The following RAPH1 variants were observed in gnomAD, a reference collection of about 807,000 sequenced individuals.
RAPH1 encodes ras-associated and pleckstrin homology domains-containing protein 1.
RAPH1 carries 18 observed loss-of-function variants against 88.1 expected under a neutral mutation model. That is an observed-to-expected ratio of 0.20 (90% CI 0.14 to 0.30). The LOEUF (loss-of-function observed/expected upper bound fraction) is 0.30. RAPH1 is among the 10% of genes least tolerant of loss of function. The pLI is 1.00. For missense variants in RAPH1, 1,448 were observed against 1,543.2 expected, an observed-to-expected ratio of 0.94 and a Z score of 1.03; for synonymous variants, 587 against 559.0, an observed-to-expected ratio of 1.05 and a Z score of -0.71.
chr2:203,475,150 G>A (rs1227355540), intron 4 of RAPH1, among the ~76,000 whole-genome samples: 3 of 152,194 alleles, frequency 2.0e-5, no homozygotes, highest in African/African-American at 4.8e-5. Flanking sequence ...ACTCATGCCT[G>A]TAATCCCAGC....
chr2:203,458,118 TC>T (rs779452653), intron 7 of RAPH1, among the ~76,000 whole-genome samples: 75 of 152,230 alleles, frequency 4.9e-4, no homozygotes, highest in East Asian at 1.7e-3. Flanking sequence ...ACACCTGTAA[TC>T]CCAGCACTCT....
At chr2:203,455,263 T>A (rs933318386) in intron 9 of RAPH1, among the ~76,000 whole-genome samples, 174 bp downstream of exon 9, 24 of 152,244 alleles carry the variant, frequency 1.6e-4, no homozygotes, top group Non-Finnish European at 5.9e-5. Flanking sequence ...ACCAGAGAAG[T>A]AAGAACTTTC....
At chr2:203,453,721 G>A (rs777989152) in intron 10 of RAPH1, among the ~76,000 whole-genome samples, 3 of 151,790 alleles carry the variant, frequency 2.0e-5, no homozygotes, top group East Asian at 3.9e-4. Flanking sequence ...TGAACATGTA[G>A]ACCTAAGTAG....
At chr2:203,457,683 G>T in intron 7 of RAPH1, 88 bp from the exon 8 acceptor site, 1 of 960,032 alleles carries the variant, frequency 1.0e-6, no homozygotes. Flanking sequence ...CCTTGGCACA[G>T]GTGTGTGTAT....
intron 8 of RAPH1, among the ~76,000 whole-genome samples, chr2:203,457,007 A>C (rs1342379876): frequency 6.6e-6 from 1 of 152,024 alleles, no homozygotes; most frequent in Non-Finnish European, 1.5e-5. Flanking sequence ...AGATCACTAG[A>C]ATATGGCTTG....
intron 6 of RAPH1, among the ~76,000 whole-genome samples, 178 bp downstream of exon 6, chr2:203,461,071 G>A (rs1239621071): frequency 6.6e-6 from 1 of 151,940 alleles, no homozygotes; most frequent in African/African-American, 2.4e-5. Flanking sequence ...ACCCGAGATC[G>A]TGCCATTGCA....
At chr2:203,506,398 C>CA (rs1347295628) in intron 1 of RAPH1, among the ~76,000 whole-genome samples, 3 of 151,840 alleles carry the variant, frequency 2.0e-5, no homozygotes, top group Admixed American at 2.0e-4. Context: ...CAAAAAGTAA[C>CA]AGACACCTGG....
At position 203,506,780 on chromosome 2, in the gene RAPH1, C is replaced by A. The variant is rs1431933873; in HGVS notation, c.1-11427G>T. The stretch of plus-strand genomic sequence containing the variant: ...TATCTATATATATATCTATATATAT[C>A]TAGATATATATATCTATATATATAT... On this transcript the variant is annotated intron_variant, in intron 1 of 13. Transcript: ENST00000319170. Among the ~76,000 whole-genome samples the A allele has an allele frequency of 6.8e-3, 531 of 77,648 alleles. 22 individuals are homozygous for A. Among genetic ancestry groups the A allele is most frequent in the Middle Eastern group, 0.016 (2 of 124 alleles). The allele number at this position is 77,648 out of a possible 152,430, so 50.9% of individuals were successfully genotyped here. A position where few individuals can be genotyped will look rare whatever the true frequency, so the allele number is the denominator to read the frequency against.
At chr2:203,443,585 A>C (rs2153634508) in intron 13 of RAPH1, 1 of 152,326 alleles carries the variant, frequency 6.6e-6, no homozygotes, top group Middle Eastern at 3.4e-3. Flanking sequence ...TTAGTCTTCC[A>C]CATAAAGTAT....
At chr2:203,493,654 T>G (rs1372281110) in intron 2 of RAPH1, among the ~76,000 whole-genome samples, 1 of 152,098 alleles carries the variant, frequency 6.6e-6, no homozygotes, top group Non-Finnish European at 1.5e-5. Flanking sequence ...GAATGATACC[T>G]ATGAAATCCT....
chr2:203,500,684 T>G (rs1235927314), intron 1 of RAPH1, among the ~76,000 whole-genome samples: 1 of 152,224 alleles, frequency 6.6e-6, no homozygotes, highest in Admixed American at 6.5e-5. Context: ...ACAACTATGT[T>G]GTTTAATAAT....
rs1335055692 is a variant in RAPH1, at chr2:203,437,301, A to G, written c.*2136T>C. The G allele has an allele frequency of 6.6e-6, 1 of 152,212 alleles. No homozygotes were observed. The highest frequency in any genetic ancestry group is 1.9e-4 in the East Asian group (1 of 5,202). The allele number at this position is 152,212 out of a possible 1,614,324, so 9.4% of individuals were successfully genotyped here. ...TTCTCATGAGAAAATCACCACCACA[A>G]TAAAACTCAAAACCTCAGGGATGAA... On this transcript the variant is annotated 3_prime_UTR_variant, in exon 14 of 14. Transcript: ENST00000319170.
intron 1 of RAPH1, among the ~76,000 whole-genome samples, chr2:203,506,846 C>CTATATATCTATCTA (rs1277788456): frequency 1.5e-5 from 1 of 66,482 alleles, no homozygotes; most frequent in Non-Finnish European, 2.4e-5. Flanking sequence ...ATCTATATAT[C>CTATATATCTATCTA]TATCTATATC....
At chr2:203,468,605 T>TTA (rs148051107) in intron 4 of RAPH1, among the ~76,000 whole-genome samples, 3,907 of 152,298 alleles carry the variant, frequency 0.026, 186 homozygotes, top group African/African-American at 0.089. Context: ...TTGTCACTGT[T>TTA]TATTATCTAT....
Position 203,439,775 on chromosome 2 carries a change from A to G in RAPH1, c.3415T>C (p.Ser1139Pro). The G allele has an allele frequency of 6.2e-7, 1 of 1,614,116 alleles. No individual in the cohort carries two copies. The highest frequency in any genetic ancestry group is 8.5e-7 in the Non-Finnish European group (1 of 1,180,026). Residue 1139 changes from serine to proline, a missense_variant, in exon 14 of 14, where the codon TCT (serine) becomes CCT (proline). By Grantham distance (74) the Ser-to-Pro change is moderately conservative. Transcript: ENST00000319170. ...ACTGTGGCCATTGTTGGCTGCTCAG[A>G]AATCTCAGCTTGAGTGAGGCGGGTG... ...DSTRLTQAEI[S>P]EQPTMATVVP...
intron 1 of RAPH1, among the ~76,000 whole-genome samples, chr2:203,505,180 G>T (rs1414201775): frequency 1.3e-5 from 2 of 152,074 alleles, no homozygotes; most frequent in African/African-American, 4.8e-5. Context: ...CCAATTTACT[G>T]CATTAGTCCA....
chr2:203,528,989 A>AT (rs1553633879), intron 1 of RAPH1, among the ~76,000 whole-genome samples: 1 of 74,256 alleles, frequency 1.3e-5, no homozygotes, highest in Non-Finnish European at 2.6e-5. Flanking sequence ...CTATATATAT[A>AT]TATATATATA....
In RAPH1 at chr2:203,438,746, G is replaced by A. The variant is rs1235616194; in HGVS notation, c.*691C>T. 6.5e-6 allele frequency: 1 copy of A among 154,620 alleles called. No individual in the cohort carries two copies. The highest frequency in any genetic ancestry group is 1.4e-5 in the Non-Finnish European group (1 of 69,660). 9.6% of individuals were successfully genotyped at this position (154,620 alleles called of 1,614,324 possible). ...AGAACAGCTGAGTTAATTACGCCAT[G>A]TATTTACTTTCTATGCACAACCACA... On this transcript the variant is annotated 3_prime_UTR_variant, in exon 14 of 14. Coordinates refer to ENST00000319170, the MANE Select transcript of RAPH1 (RefSeq NM_213589.3).
At chr2:203,472,194 G>A (rs573638662) in intron 4 of RAPH1, among the ~76,000 whole-genome samples, 1 of 151,170 alleles carries the variant, frequency 6.6e-6, no homozygotes, top group Admixed American at 6.6e-5. Context: ...GGGCAGTGGC[G>A]TGATCTCAGC....
Sources: gnomAD v4.1 joint callset for allele counts (sites outside exome capture counted in the v4.1 genomes callset) on GRCh38, gnomAD v4.1.1 for gene constraint, MANE v1.5 for transcripts, NCBI Gene and HGNC (gene_info 2026-07-23, HGNC 2026-07-21) for gene names.